The following ERLIN1 variants were observed in gnomAD, a reference collection of about 807,000 sequenced individuals.
The protein encoded by ERLIN1 is erlin-1.
A neutral mutation model predicts 46.9 loss-of-function variants in ERLIN1; 24 were observed. The observed-to-expected ratio is 0.51, with a 90% CI of 0.37 to 0.72. The LOEUF is 0.72. ERLIN1 is among the 30% of genes least tolerant of loss of function. ERLIN1 has a pLI of 0.00. For synonymous variants in ERLIN1, 158 were observed against 143.2 expected (o/e 1.10, Z -0.74); for missense variants, 293 against 417.9 (o/e 0.70, Z 2.61).
In ERLIN1 at chr10:100,150,491, T is replaced by G. The variant is rs1842746644; in HGVS notation, c.*1640A>C. The G allele has an allele frequency of 6.6e-6, 1 of 152,644 alleles. No individual in the cohort carries two copies. Among genetic ancestry groups the G allele is most frequent in the South Asian group, 2.1e-4 (1 of 4,834 alleles). 9.5% of individuals were successfully genotyped at this position (152,644 alleles called of 1,614,324 possible). ...ATTCAAAAGTTCTTTTAAGGAGAAC[T>G]AAAGAACACAAAATTCATTTATAAA... On this transcript the variant is annotated 3_prime_UTR_variant, in exon 11 of 11. Transcript: ENST00000421367.
intron 4 of ERLIN1, 131 bp from the exon 5 acceptor site, chr10:100,176,201 A>T: frequency 4.6e-6 from 3 of 651,418 alleles, no homozygotes; most frequent in Non-Finnish European, 7.3e-6. Flanking sequence ...TGAAACCAAA[A>T]ACCACAACTA....
chr10:100,169,514 A>G (rs1049979775), intron 6 of ERLIN1, among the ~76,000 whole-genome samples: 3 of 152,140 alleles, frequency 2.0e-5, no homozygotes, highest in Admixed American at 6.5e-5. Flanking sequence ...GGAAAAAAAT[A>G]TAATAGTGAC....
At chr10:100,179,011 G>A (rs547173718) in intron 3 of ERLIN1, among the ~76,000 whole-genome samples, 190 bp downstream of exon 3, 2 of 152,286 alleles carry the variant, frequency 1.3e-5, no homozygotes, top group African/African-American at 4.8e-5. Context: ...AATACCATAA[G>A]AACAATAATG....
chr10:100,182,803 G>T (rs570577289), intron 2 of ERLIN1, among the ~76,000 whole-genome samples: 1 of 152,194 alleles, frequency 6.6e-6, no homozygotes, highest in Non-Finnish European at 1.5e-5. Context: ...AGGAGAAAAG[G>T]AATGGAGAGT....
chr10:100,172,764 T>A (rs1844075505), intron 6 of ERLIN1, among the ~76,000 whole-genome samples: 1 of 152,210 alleles, frequency 6.6e-6, no homozygotes, highest in African/African-American at 2.4e-5. Flanking sequence ...AATTTGTACA[T>A]ACAAGAACAT....
At chr10:100,162,934 G>T (rs1458660434) in intron 8 of ERLIN1, among the ~76,000 whole-genome samples, 2 of 152,136 alleles carry the variant, frequency 1.3e-5, no homozygotes, top group Non-Finnish European at 1.5e-5. Context: ...CACTGGATAA[G>T]AATGTTATTG....
intron 7 of ERLIN1, among the ~76,000 whole-genome samples, chr10:100,164,510 T>G (rs181931351): frequency 1.1e-3 from 175 of 152,334 alleles, no homozygotes; most frequent in African/African-American, 4.0e-3. Context: ...ACATGCAGAA[T>G]GAAGCTGGGT....
intron 6 of ERLIN1, 110 bp from the exon 7 acceptor site, chr10:100,167,516 T>C (rs1046948267): frequency 1.2e-6 from 1 of 801,778 alleles, no homozygotes; most frequent in African/African-American, 1.7e-5. Context: ...ACAACAGCTA[T>C]AATATAGCGG....
chr10:100,152,457 C>G (rs1842859003), intron 10 of ERLIN1, 105 bp from the exon 11 acceptor site: 2 of 737,854 alleles, frequency 2.7e-6, no homozygotes, highest in South Asian at 1.5e-5. Flanking sequence ...TATCATGAGT[C>G]AAGTCTGAAT....
At chr10:100,170,441 A>C (rs560592730) in intron 6 of ERLIN1, among the ~76,000 whole-genome samples, 1 of 152,316 alleles carries the variant, frequency 6.6e-6, no homozygotes, top group Non-Finnish European at 1.5e-5. Flanking sequence ...ACATTTTTTC[A>C]ATCAATAACT....
chr10:100,183,897 TA>T, intron 1 of ERLIN1, 60 bp from the exon 2 acceptor site: 1 of 1,202,262 alleles, frequency 8.3e-7, no homozygotes, highest in South Asian at 1.3e-5. Context: ...TTTCCAAATC[TA>T]AAATGCTATA....
At position 100,154,921 on chromosome 10, in the gene ERLIN1, C is replaced by T. The variant is rs2134100571; in HGVS notation, c.764G>A (p.Arg255Gln). 5 of 1,613,750 alleles carry T rather than the reference C, an allele frequency of 3.1e-6. No individual in the cohort carries two copies. The highest frequency in any genetic ancestry group is 2.2e-5 in the South Asian group (2 of 91,054). Residue 255 changes from arginine (R) to glutamine (Q), a missense_variant, in exon 10 of 11, where the codon CGA becomes CAA. Arg to Gln is a conservative substitution (Grantham distance 43, BLOSUM62 1). Transcript: ENST00000421367. ...TTCAGCATCTGCTTTCGCTTTCTCT[C>T]GGGCCAGGAATGCAGCATCTAGCAA... The part of the protein sequence containing the change: ...SEIEDAAFLA[R>Q]EKAKADAEYY...
intron 4 of ERLIN1, among the ~76,000 whole-genome samples, chr10:100,177,683 G>A (rs1007102458): frequency 1.3e-5 from 2 of 152,142 alleles, no homozygotes; most frequent in African/African-American, 4.8e-5. Context: ...ATACCTGTAG[G>A]TTTTCATCTT....
chr10:100,178,218 G>A (rs1223604897), intron 3 of ERLIN1, 24 bp from the exon 4 acceptor site: 3 of 1,498,706 alleles, frequency 2.0e-6, no homozygotes, highest in Non-Finnish European at 2.7e-6. Flanking sequence ...AAAAAAGTGT[G>A]AACTACTAAA....
intron 8 of ERLIN1, among the ~76,000 whole-genome samples, chr10:100,158,877 G>C (rs1005134485): frequency 2.6e-5 from 4 of 151,914 alleles, no homozygotes; most frequent in African/African-American, 4.8e-5. Context: ...ATCAGAAAAG[G>C]GAAAAAGAAG....
intron 5 of ERLIN1, 26 bp downstream of exon 5, chr10:100,175,919 A>C: frequency 6.2e-7 from 1 of 1,606,690 alleles, no homozygotes; most frequent in Non-Finnish European, 8.5e-7. Flanking sequence ...TTGGCTATTT[A>C]CATACATAAG....
At chr10:100,176,558 C>T (rs762446100) in intron 4 of ERLIN1, among the ~76,000 whole-genome samples, 2 of 130,912 alleles carry the variant, frequency 1.5e-5, no homozygotes, top group Admixed American at 7.4e-5. Context: ...TGCAAAAGAC[C>T]GTTTTTAAAA....
chr10:100,180,829 C>A (rs1844598962), intron 2 of ERLIN1, among the ~76,000 whole-genome samples: 1 of 152,146 alleles, frequency 6.6e-6, no homozygotes, highest in Non-Finnish European at 1.5e-5. Context: ...TCTCATTCTC[C>A]ATCTTATAGG....
chr10:100,180,874 A>C (rs143493222), intron 2 of ERLIN1, among the ~76,000 whole-genome samples: 1 of 152,238 alleles, frequency 6.6e-6, no homozygotes, highest in Non-Finnish European at 1.5e-5. Flanking sequence ...CTAAATAATT[A>C]ATTTATTTAG....
Sources: gnomAD v4.1 joint callset for allele counts (sites outside exome capture counted in the v4.1 genomes callset) on GRCh38, gnomAD v4.1.1 for gene constraint, MANE v1.5 for transcripts, NCBI Gene and HGNC (gene_info 2026-07-23, HGNC 2026-07-21) for gene names.